Variants in TMEM178B observed in about 807,000 individuals in gnomAD.
The protein encoded by TMEM178B is transmembrane protein 178B.
TMEM178B carries 5 observed loss-of-function variants against 31.0 expected under a neutral mutation model. The ratio of observed to expected loss-of-function variants is 0.16; its 90% CI spans 0.08 to 0.34. TMEM178B has a LOEUF of 0.34. Ranked by LOEUF, TMEM178B falls within the 10% of genes least tolerant of loss-of-function variation. The probability of loss-of-function intolerance (pLI) is 1.00; values close to 1 mark genes in which losing one functional copy is unlikely to be tolerated. For synonymous variants in TMEM178B, 164 were observed against 164.0 expected (o/e 1.00, Z 0.00); for missense variants, 275 against 400.3 (o/e 0.69, Z 2.67).
At chr7:141,465,566 C>T (rs143402271) in intron 3 of TMEM178B, among the ~76,000 whole-genome samples, 9 of 152,290 alleles carry the variant, frequency 5.9e-5, no homozygotes, top group Middle Eastern at 3.4e-3. Context: ...CATATCATTA[C>T]GTAAACTGTC....
chr7:141,246,155 A>G (rs2129194509), intron 2 of TMEM178B, among the ~76,000 whole-genome samples: 1 of 152,362 alleles, frequency 6.6e-6, no homozygotes, highest in South Asian at 2.1e-4. Context: ...GGTTGCTTCC[A>G]GATCCCAGAC....
intron 1 of TMEM178B, among the ~76,000 whole-genome samples, chr7:141,081,189 A>T (rs1419632181): frequency 6.6e-6 from 1 of 152,090 alleles, no homozygotes; most frequent in African/African-American, 2.4e-5. Flanking sequence ...GTGGGCTAAA[A>T]TGTGGAGGTG....
the TMEM178B span, among the ~76,000 whole-genome samples, chr7:141,510,685 C>CA: frequency 0.044 from 1,093 of 24,918 alleles, 191 homozygotes; most frequent in Middle Eastern, 0.077. Flanking sequence ...AACTCCGTCT[C>CA]AAAAAAAAAA....
chr7:141,373,652 C>T (rs537092618), intron 2 of TMEM178B, among the ~76,000 whole-genome samples: 2 of 152,244 alleles, frequency 1.3e-5, no homozygotes, highest in South Asian at 2.1e-4. Context: ...ACCCTCCACC[C>T]CCCCAACACA....
At chr7:141,305,037 A>G (rs1798792857) in intron 2 of TMEM178B, among the ~76,000 whole-genome samples, 1 of 152,100 alleles carries the variant, frequency 6.6e-6, no homozygotes, top group Non-Finnish European at 1.5e-5. Flanking sequence ...TTTCCACTCC[A>G]CACTGTCCTA....
At chr7:141,132,328 T>C (rs538128292) in intron 1 of TMEM178B, among the ~76,000 whole-genome samples, 2 of 152,350 alleles carry the variant, frequency 1.3e-5, no homozygotes, top group South Asian at 4.1e-4. Flanking sequence ...TCTGATTTGA[T>C]GATCATTATA....
chr7:141,380,094 A>G (rs1489545695), intron 2 of TMEM178B, among the ~76,000 whole-genome samples: 2 of 152,194 alleles, frequency 1.3e-5, no homozygotes, highest in Non-Finnish European at 2.9e-5. Context: ...ATTTAGTCGA[A>G]TTTTAAAAAT....
At chr7:141,481,828 T>G (rs1802481396), downstream of TMEM178B, among the ~76,000 whole-genome samples, 1 of 152,150 alleles carries the variant, frequency 6.6e-6, no homozygotes, top group Non-Finnish European at 1.5e-5. Context: ...TGAGCAAGAC[T>G]TTCCACCCTT....
intron 1 of TMEM178B, among the ~76,000 whole-genome samples, chr7:141,129,634 C>A (rs1213481355): frequency 2.0e-5 from 3 of 152,176 alleles, no homozygotes; most frequent in Non-Finnish European, 4.4e-5. Context: ...TGAAAAGAGT[C>A]AAACTCTTAA....
intron 1 of TMEM178B, among the ~76,000 whole-genome samples, chr7:141,143,748 C>T (rs184652549): frequency 2.6e-5 from 4 of 151,800 alleles, no homozygotes; most frequent in South Asian, 2.1e-4. Context: ...TTCTAGTCTG[C>T]GAAAAATGAC....
chr7:141,200,800 C>T (rs1347211856), intron 1 of TMEM178B, among the ~76,000 whole-genome samples: 2 of 152,064 alleles, frequency 1.3e-5, no homozygotes, highest in Non-Finnish European at 2.9e-5. Flanking sequence ...TTCCTGGCAG[C>T]GGAATGATGG....
intron 2 of TMEM178B, among the ~76,000 whole-genome samples, chr7:141,324,422 T>G (rs928174543): frequency 1.2e-4 from 6 of 48,006 alleles, no homozygotes; most frequent in East Asian, 5.0e-4. Context: ...CAGGGTTTTT[T>G]TTTTTTTTTT....
rs766079998 is a variant in TMEM178B, at chr7:141,471,779, TGC to T, written c.*995_*996del. The T allele has an allele frequency of 0.09, 7,723 of 85,860 alleles. 253 individuals are homozygous for T. Among genetic ancestry groups the T allele is most frequent in the Non-Finnish European group, 0.1 (4,139 of 39,662 alleles). 5.3% of individuals were successfully genotyped at this position (85,860 alleles called of 1,614,324 possible). On this transcript the variant is annotated 3_prime_UTR_variant, in exon 4 of 4. Transcript: ENST00000565468. This position sits in a 1 kb window ranked among gnomAD's most constrained non-coding sequence, Gnocchi z 4.1. ...ACAGATCCCTGGAGTGGTGTGTGTG[TGC>T]GTGTGTGTGTGTGTGTGTGTGTGTG...
chr7:141,231,651 G>A (rs897762726), intron 2 of TMEM178B, among the ~76,000 whole-genome samples: 2 of 152,226 alleles, frequency 1.3e-5, no homozygotes, highest in Admixed American at 6.5e-5. Context: ...CATCTGCAAG[G>A]TGGAGACTTG....
chr7:141,086,740 C>T (rs1794794630), intron 1 of TMEM178B, among the ~76,000 whole-genome samples: 1 of 152,100 alleles, frequency 6.6e-6, no homozygotes, highest in South Asian at 2.1e-4. Context: ...TGCTGTGTCA[C>T]CCACGCTGGA....
intron 2 of TMEM178B, among the ~76,000 whole-genome samples, chr7:141,362,168 A>G (rs1325302695): frequency 1.3e-5 from 2 of 152,208 alleles, no homozygotes; most frequent in Non-Finnish European, 2.9e-5. Context: ...GTGCTTTTCA[A>G]CAGGCCCCAC....
chr7:141,433,773 G>A (rs943588465), intron 2 of TMEM178B, among the ~76,000 whole-genome samples: 1 of 152,164 alleles, frequency 6.6e-6, no homozygotes, highest in African/African-American at 2.4e-5. Flanking sequence ...CTTATAAGTT[G>A]TTGTTGCAGC....
chr7:141,093,622 G>T (rs1467919819), intron 1 of TMEM178B, among the ~76,000 whole-genome samples: 3 of 152,208 alleles, frequency 2.0e-5, no homozygotes, highest in Non-Finnish European at 4.4e-5. Context: ...AATATCCAAA[G>T]ATTAAGCCCT....
At chr7:141,088,618 G>A (rs1195877140) in intron 1 of TMEM178B, among the ~76,000 whole-genome samples, 1 of 152,054 alleles carries the variant, frequency 6.6e-6, no homozygotes, top group South Asian at 2.1e-4. Flanking sequence ...TCTCCACTAG[G>A]ATCACCCATG....
Sources: gnomAD v4.1 joint callset for allele counts (sites outside exome capture counted in the v4.1 genomes callset) on GRCh38, gnomAD v4.1.1 for gene constraint, Gnocchi (gnomAD v3.1) non-coding constraint, MANE v1.5 for transcripts, NCBI Gene and HGNC (gene_info 2026-07-23, HGNC 2026-07-21) for gene names.